MTUS1: variants seen among roughly 807,000 people sequenced by gnomAD.
MTUS1 encodes microtubule associated scaffold protein 1, also known as microtubule-associated tumor suppressor 1.
MTUS1 carries 109 observed loss-of-function variants against 120.8 expected under a neutral mutation model. That is an observed-to-expected ratio of 0.90 (90% confidence interval 0.77 to 1.06). The LOEUF (loss-of-function observed/expected upper bound fraction) is 1.06, where lower values mean the gene tolerates loss of function less well. Ranked by LOEUF, MTUS1 falls within the 50% of genes least tolerant of loss-of-function variation. MTUS1 has a pLI of 0.00. For synonymous variants in MTUS1, 737 were observed against 550.5 expected (o/e 1.34, Z -4.74); for missense variants, 2,210 against 1,486.3 (o/e 1.49, Z -8.01).
intron 1 of MTUS1, among the ~76,000 whole-genome samples, chr8:17,788,115 C>G (rs910480912): frequency 6.6e-6 from 1 of 151,958 alleles, no homozygotes; most frequent in African/African-American, 2.4e-5. Flanking sequence ...GAGCAAAACT[C>G]CATCTCAAAA....
At chr8:17,713,572 G>C (rs1821747790) in intron 5 of MTUS1, among the ~76,000 whole-genome samples, 1 of 152,170 alleles carries the variant, frequency 6.6e-6, no homozygotes. Flanking sequence ...TGAATTCACA[G>C]ACTGTGCACA....
At chr8:17,668,429 T>C (rs756334401) in intron 8 of MTUS1, among the ~76,000 whole-genome samples, 6 of 152,174 alleles carry the variant, frequency 3.9e-5, no homozygotes, top group Non-Finnish European at 7.3e-5. Context: ...CCAGCTGTTA[T>C]TCAACATGAC....
intron 1 of MTUS1, among the ~76,000 whole-genome samples, chr8:17,778,626 G>A (rs1056623174): frequency 2.0e-5 from 3 of 152,072 alleles, no homozygotes; most frequent in Non-Finnish European, 4.4e-5. Flanking sequence ...AGAGCTGCAC[G>A]GTGAAACCCT....
chr8:17,719,779 T>C (rs1585934632), intron 4 of MTUS1, among the ~76,000 whole-genome samples: 2 of 152,130 alleles, frequency 1.3e-5, no homozygotes, highest in African/African-American at 2.4e-5. Context: ...CCCATTCCTG[T>C]TGTGAGAGAA....
intron 3 of MTUS1, among the ~76,000 whole-genome samples, chr8:17,737,458 A>G (rs959594622): frequency 9.2e-5 from 14 of 152,266 alleles, no homozygotes; most frequent in African/African-American, 3.4e-4. Context: ...ATAAAAATAT[A>G]GAAACATCTA....
intron 6 of MTUS1, among the ~76,000 whole-genome samples, chr8:17,686,535 A>G (rs1310292565): frequency 3.3e-5 from 5 of 152,196 alleles, no homozygotes; most frequent in African/African-American, 1.2e-4. Context: ...AACTTACTTA[A>G]AAATTCATTT....
intron 12 of MTUS1, among the ~76,000 whole-genome samples, chr8:17,650,597 C>A (rs1189579108): frequency 6.6e-6 from 1 of 152,158 alleles, no homozygotes; most frequent in African/African-American, 2.4e-5. Context: ...ACAGTCCCAG[C>A]TACTCAGGAG....
At chr8:17,756,099 G>C (rs1176888017) in intron 1 of MTUS1, 138 bp from the exon 2 acceptor site, 1 of 313,666 alleles carries the variant, frequency 3.2e-6, no homozygotes, top group African/African-American at 2.2e-5. Context: ...GTGGGTAACT[G>C]AGATATAATC....
chr8:17,786,325 G>C (rs10099836), intron 1 of MTUS1, among the ~76,000 whole-genome samples: 110,274 of 151,730 alleles, frequency 0.73, 41,749 homozygotes, highest in Non-Finnish European at 0.85. Flanking sequence ...GTGCCTGGCA[G>C]CAGACAGTCC....
intron 7 of MTUS1, among the ~76,000 whole-genome samples, chr8:17,683,502 G>C (rs1815068688): frequency 6.6e-6 from 1 of 152,076 alleles, no homozygotes; most frequent in Non-Finnish European, 1.5e-5. Flanking sequence ...ATGTTGCTCA[G>C]GCTGGTCTTG....
At chr8:17,763,551 C>G (rs1159929307) in intron 1 of MTUS1, among the ~76,000 whole-genome samples, 1 of 152,082 alleles carries the variant, frequency 6.6e-6, no homozygotes. Flanking sequence ...TGAGAATTAG[C>G]TGCACAAACC....
At chr8:17,742,094 T>C (rs983868809) in intron 3 of MTUS1, among the ~76,000 whole-genome samples, 2 of 151,944 alleles carry the variant, frequency 1.3e-5, no homozygotes, top group African/African-American at 2.4e-5. Flanking sequence ...ACCAGAGCTT[T>C]TTCTTCACCA....
chr8:17,785,457 A>G (rs571296839), intron 1 of MTUS1, among the ~76,000 whole-genome samples: 2 of 152,316 alleles, frequency 1.3e-5, no homozygotes, highest in East Asian at 3.9e-4. Flanking sequence ...AAAACTCTGC[A>G]GAGACAGCAT....
chr8:17,716,515 T>G (rs974966760), intron 4 of MTUS1: 1 of 153,100 alleles, frequency 6.5e-6, no homozygotes, highest in African/African-American at 2.4e-5. Context: ...TGTAAAAATT[T>G]CCCCTCCACC....
intron 1 of MTUS1, among the ~76,000 whole-genome samples, chr8:17,761,796 T>C (rs2049056490): frequency 6.6e-6 from 1 of 152,218 alleles, no homozygotes; most frequent in African/African-American, 2.4e-5. Flanking sequence ...AATACAGTTA[T>C]AATTTATAGC....
intron 8 of MTUS1, chr8:17,674,483 G>C (rs1245009993): frequency 1.0e-6 from 1 of 985,200 alleles, no homozygotes; most frequent in Non-Finnish European, 1.2e-6. Flanking sequence ...TGTCGTGTCT[G>C]TTCCATGAAC....
chr8:17,749,399 C>G (rs557207750), intron 2 of MTUS1, among the ~76,000 whole-genome samples: 2 of 152,124 alleles, frequency 1.3e-5, no homozygotes, highest in South Asian at 4.1e-4. Flanking sequence ...TGGCTCAAAC[C>G]TGTAATCCCA....
chr8:17,761,619 C>T (rs2049044010), intron 1 of MTUS1, among the ~76,000 whole-genome samples: 1 of 152,014 alleles, frequency 6.6e-6, no homozygotes, highest in African/African-American at 2.4e-5. Flanking sequence ...ATAATTTGGA[C>T]CTAATATAGT....
intron 4 of MTUS1, 22 bp from the exon 5 acceptor site, chr8:17,715,923 C>A (rs374144610): frequency 6.2e-7 from 1 of 1,602,172 alleles, no homozygotes; most frequent in South Asian, 1.1e-5. Flanking sequence ...CAGAAAAGTA[C>A]ATTTTATTGT....
Sources: allele counts gnomAD v4.1 joint callset (sites outside exome capture counted in the v4.1 genomes callset), GRCh38; gene constraint gnomAD v4.1.1; transcripts MANE v1.5; gene names NCBI Gene and HGNC (gene_info 2026-07-23, HGNC 2026-07-21).